Variants in DZANK1 observed in about 807,000 individuals in gnomAD.
DZANK1 encodes the protein double zinc ribbon and ankyrin repeat domains 1, also known as double zinc ribbon and ankyrin repeat-containing protein 1.
DZANK1 carries 91 observed loss-of-function variants against 94.5 expected under a neutral mutation model. That is an observed-to-expected ratio of 0.96 (90% CI 0.81 to 1.15). The LOEUF (loss-of-function observed/expected upper bound fraction) is 1.15. Ranked by LOEUF, DZANK1 falls within the 50% of genes most tolerant of loss-of-function variation. The pLI, the probability that DZANK1 is intolerant of heterozygous loss-of-function variation, is 0.00. For missense variants in DZANK1, 903 were observed against 916.4 expected (o/e 0.99, Z 0.19); for synonymous variants, 312 against 325.3 (o/e 0.96, Z 0.44).
Position 18,441,409 on chromosome 20 carries a change from A to G in DZANK1, c.747+1938T>C, listed in dbSNP as rs976176180. On this transcript the variant is annotated intron_variant, in intron 8 of 20. Coordinates refer to ENST00000262547, the Ensembl canonical transcript of DZANK1. This position sits in a 1 kb window ranked among gnomAD's most constrained non-coding sequence, Gnocchi z 4.1. The stretch of plus-strand genomic sequence containing the variant: ...CAGTCAGAGTCCAATCAGGACATAG[A>G]AACCACAACTAATTTGAACAGGAAA... 1.3e-5 allele frequency among the ~76,000 whole-genome samples: 2 copies of G among 152,218 alleles called. No individual in the cohort carries two copies. Among genetic ancestry groups the G allele is most frequent in the African/African-American group, 4.8e-5 (2 of 41,446 alleles).
At chr20:18,414,649 G>T in intron 11 of DZANK1, 137 bp from the exon 12 acceptor site, 1 of 1,056,974 alleles carries the variant, frequency 9.5e-7, no homozygotes, top group Non-Finnish European at 1.3e-6. Flanking sequence ...TCCTACAGAT[G>T]GACAAGTACA....
intron 13 of DZANK1, among the ~76,000 whole-genome samples, chr20:18,404,366 A>G (rs943944201): frequency 6.6e-6 from 1 of 152,192 alleles, no homozygotes; most frequent in African/African-American, 2.4e-5. Flanking sequence ...GGAAAGAGAC[A>G]AAGAGAGCCC....
chr20:18,456,676 A>G (rs1313931331), intron 3 of DZANK1, among the ~76,000 whole-genome samples: 6 of 149,292 alleles, frequency 4.0e-5, no homozygotes, highest in Non-Finnish European at 8.9e-5. Context: ...ATATGTGGTC[A>G]TCTTACGTGT....
chr20:18,425,051 GA>G (rs567758460), intron 10 of DZANK1, among the ~76,000 whole-genome samples: 1 of 152,282 alleles, frequency 6.6e-6, no homozygotes, highest in South Asian at 2.1e-4. Context: ...AGAAGAATGA[GA>G]AAACTTTTCA....
intron 3 of DZANK1, among the ~76,000 whole-genome samples, chr20:18,456,719 G>T (rs761689703): frequency 1.2e-4 from 18 of 151,794 alleles, no homozygotes; most frequent in Non-Finnish European, 2.5e-4. Flanking sequence ...TTTTTTTGGA[G>T]ACTCATCTAT....
intron 13 of DZANK1, among the ~76,000 whole-genome samples, chr20:18,409,287 T>C (rs1328878308): frequency 2.0e-5 from 3 of 151,986 alleles, no homozygotes; most frequent in African/African-American, 7.3e-5. Flanking sequence ...AAGAGAATCT[T>C]GAAAGAAGCA....
chr20:18,415,403 C>G lies in DZANK1; in HGVS notation c.1001G>C (p.Gly334Ala), dbSNP rs150264642. 4.0e-5 allele frequency: 63 copies of G among 1,591,698 alleles called. 2 individuals carry two copies. The Middle Eastern group carries it at 8.3e-4, about 21-fold the overall frequency. Residue 334 changes from glycine (G) to alanine (A), a missense_variant, in exon 11 of 21, where the codon GGG becomes GCG. Physicochemically the swap from Gly to Ala is moderately conservative, Grantham distance 60 (BLOSUM62 0). Coordinates refer to ENST00000262547, the Ensembl canonical transcript of DZANK1. Reference sequence around the variant, plus strand: ...ACATCTGTAGCAGGAAATGGTCCCCCCTTTCTGAGTGGGCGGAGGAGGGGC... The same window carrying G: ...ACATCTGTAGCAGGAAATGGTCCCCGCTTTCTGAGTGGGCGGAGGAGGGGC...
chr20:18,428,909 ACCACAGTTG>A (rs1405903880), intron 9 of DZANK1, among the ~76,000 whole-genome samples: 1 of 152,210 alleles, frequency 6.6e-6, no homozygotes, highest in African/African-American at 2.4e-5. Flanking sequence ...GAGCCAACGC[ACCACAGTTG>A]CCAATCTAAA....
At chr20:18,394,463 C>CTGGGTAGGT in intron 15 of DZANK1, 113 bp from the exon 16 acceptor site, 1 of 1,024,698 alleles carries the variant, frequency 9.8e-7, no homozygotes. Flanking sequence ...TCTACCTACC[C>CTGGGTAGGT]AGAGAGTGGA....
intron 3 of DZANK1, among the ~76,000 whole-genome samples, chr20:18,457,096 C>T (rs2059317860): frequency 6.6e-6 from 1 of 152,156 alleles, no homozygotes. Flanking sequence ...TACTCTTGAT[C>T]ATGTTCTCTG....
intron 2 of DZANK1, among the ~76,000 whole-genome samples, chr20:18,464,497 G>A (rs777134972): frequency 2.6e-5 from 4 of 152,082 alleles, no homozygotes; most frequent in African/African-American, 4.8e-5. Context: ...CTGTCTTACA[G>A]TGAGGTAACA....
chr20:18,447,927 G>A (rs983923451), intron 7 of DZANK1, among the ~76,000 whole-genome samples: 4 of 152,092 alleles, frequency 2.6e-5, no homozygotes, highest in Admixed American at 6.6e-5. Context: ...TCCTCTTCAA[G>A]GTATTTGCCC....
intron 11 of DZANK1, 128 bp from the exon 12 acceptor site, chr20:18,414,640 C>T: frequency 8.9e-7 from 1 of 1,123,342 alleles, no homozygotes; most frequent in Non-Finnish European, 1.2e-6. Flanking sequence ...CAGAATTTAT[C>T]CTACAGATGG....
chr20:18,390,183 T>C (rs1012944349), intron 18 of DZANK1, among the ~76,000 whole-genome samples, 196 bp downstream of exon 18: 1 of 152,226 alleles, frequency 6.6e-6, no homozygotes, highest in African/African-American at 2.4e-5. Flanking sequence ...TCTCTGCCTA[T>C]TTTCTCTGAT....
intron 8 of DZANK1, among the ~76,000 whole-genome samples, chr20:18,436,787 T>G (rs531928787): frequency 6.6e-6 from 1 of 152,044 alleles, no homozygotes; most frequent in South Asian, 2.1e-4. Flanking sequence ...ATAATCAGAC[T>G]GTTGAAGGTC....
Position 18,385,091 on chromosome 20 carries a change from C to T in DZANK1, c.2019-1G>A. 6.4e-7 allele frequency: 1 copy of T among 1,552,472 alleles called. No homozygotes were observed. Among genetic ancestry groups the T allele is most frequent in the Non-Finnish European group, 8.7e-7 (1 of 1,147,522 alleles). ...TTCATGAAGAGCTGTATTTCTGAGC[C>T]TAATGAGGGGGGAAAAATCCTGGAT... On this transcript the variant is annotated splice_acceptor_variant, in intron 19 of 20. Coordinates refer to ENST00000262547, the Ensembl canonical transcript of DZANK1. LOFTEE classifies it high-confidence loss of function.
At chr20:18,410,872 A>C (rs2057219667) in intron 13 of DZANK1, among the ~76,000 whole-genome samples, 2 of 152,200 alleles carry the variant, frequency 1.3e-5, no homozygotes, top group South Asian at 2.1e-4. Context: ...GATCACTTGA[A>C]CCCAGGAGGT....
chr20:18,398,220 G>T (rs567372609), intron 14 of DZANK1: 1 of 371,366 alleles, frequency 2.7e-6, no homozygotes, highest in East Asian at 4.9e-5. Flanking sequence ...GATCTGGATG[G>T]ATTAAATTGT....
chr20:18,437,002 T>C (rs1335568786), intron 8 of DZANK1, among the ~76,000 whole-genome samples: 2 of 152,140 alleles, frequency 1.3e-5, no homozygotes, highest in African/African-American at 4.8e-5. Flanking sequence ...GAGAAATGGC[T>C]ATCAGGCATG....
Sources: gnomAD v4.1 joint callset for allele counts (sites outside exome capture counted in the v4.1 genomes callset) on GRCh38, gnomAD v4.1.1 for gene constraint, Gnocchi (gnomAD v3.1) non-coding constraint, MANE v1.5 for transcripts, NCBI Gene and HGNC (gene_info 2026-07-23, HGNC 2026-07-21) for gene names.